Variants in NCOA2 observed in about 807,000 individuals in gnomAD.
The protein encoded by NCOA2 is class E basic helix-loop-helix protein 75.
Under a neutral mutation model 145.1 loss-of-function variants are expected in NCOA2, and 21 were observed. That is an observed-to-expected ratio of 0.14 (90% CI 0.10 to 0.21). The LOEUF (loss-of-function observed/expected upper bound fraction) is 0.21. NCOA2 is among the 10% of genes least tolerant of loss of function. The pLI, the probability that NCOA2 is intolerant of heterozygous loss-of-function variation, is 1.00. For missense variants in NCOA2, 1,472 were observed against 1,837.6 expected, an observed-to-expected ratio of 0.80 and a Z score of 3.64; for synonymous variants, 619 against 637.5, an observed-to-expected ratio of 0.97 and a Z score of 0.44.
chr8:70,203,687 T>C (rs1380250127), intron 4 of NCOA2, among the ~76,000 whole-genome samples: 1 of 152,216 alleles, frequency 6.6e-6, no homozygotes, highest in Non-Finnish European at 1.5e-5. Context: ...ATATCTTTTG[T>C]TTATTTCTAT....
At chr8:70,185,696 C>T (rs1325927794) in intron 4 of NCOA2, among the ~76,000 whole-genome samples, 1 of 152,210 alleles carries the variant, frequency 6.6e-6, no homozygotes, top group Admixed American at 6.5e-5. Context: ...AAATCTCCCA[C>T]AGGCAAAGAT....
Position 70,382,479 on chromosome 8 carries a change from C to CT in NCOA2, c.-77+21220dup, listed in dbSNP as rs1235956648. ...CCCAATGTGATAAAGTCAGGAAAGA[C>CT]TAATATTCCATGTTGGGAAAGTTTG... On this transcript the variant is annotated intron_variant, in intron 1 of 22. Coordinates refer to ENST00000452400, the MANE Select transcript of NCOA2 (RefSeq NM_006540.4). Among the ~76,000 whole-genome samples the CT allele has an allele frequency of 2.6e-5, 4 of 152,262 alleles. No homozygotes were observed. The East Asian group carries it at 7.7e-4, about 29-fold the overall frequency.
chr8:70,264,719 A>T (rs1303200520), intron 2 of NCOA2, among the ~76,000 whole-genome samples: 3 of 152,212 alleles, frequency 2.0e-5, no homozygotes, highest in Non-Finnish European at 4.4e-5. Context: ...AAATTGGAAA[A>T]AATTAGAAAC....
intron 1 of NCOA2, among the ~76,000 whole-genome samples, chr8:70,297,021 A>C (rs1159556572): frequency 6.6e-6 from 1 of 152,240 alleles, no homozygotes; most frequent in South Asian, 2.1e-4. Flanking sequence ...TGTAAAATAT[A>C]TAAGGCTGCA....
chr8:70,365,508 T>C (rs1810613019), intron 1 of NCOA2, among the ~76,000 whole-genome samples: 1 of 152,242 alleles, frequency 6.6e-6, no homozygotes, highest in Non-Finnish European at 1.5e-5. Flanking sequence ...CATCTAATTC[T>C]GAACCAAATT....
Position 70,285,280 on chromosome 8 carries a change from A to C in NCOA2, c.-20+11464T>G, listed in dbSNP as rs549061932. 9.8e-5 allele frequency among the ~76,000 whole-genome samples: 15 copies of C among 152,362 alleles called. No individual in the cohort carries two copies. The South Asian group carries it at 2.7e-3, about 27-fold the overall frequency. On this transcript the variant is annotated intron_variant, in intron 2 of 22. Transcript: ENST00000452400. ...GTCCTGTAGATACCCAAGTGTTATG[A>C]GTTCCTATCATTTAGCAAATAAATT...
chr8:70,170,634 A>C (rs529509728), intron 5 of NCOA2, among the ~76,000 whole-genome samples: 1 of 152,212 alleles, frequency 6.6e-6, no homozygotes, highest in East Asian at 1.9e-4. Flanking sequence ...ACCAACACTA[A>C]CTCCATTAAT....
intron 22 of NCOA2, among the ~76,000 whole-genome samples, chr8:70,114,755 A>G (rs1185711989): frequency 1.3e-5 from 2 of 152,230 alleles, no homozygotes; most frequent in Non-Finnish European, 2.9e-5. Flanking sequence ...ATTCTAGCCC[A>G]TCAGGGCCAT....
At chr8:70,304,797 T>C (rs1827763001) in intron 1 of NCOA2, among the ~76,000 whole-genome samples, 1 of 151,216 alleles carries the variant, frequency 6.6e-6, no homozygotes, top group Non-Finnish European at 1.5e-5. Context: ...GCCTGGCAAC[T>C]ATATGCATAA....
At chr8:70,440,691 AAG>A in the NCOA2 span, among the ~76,000 whole-genome samples, 2 of 151,624 alleles carry the variant, frequency 1.3e-5, no homozygotes, top group Admixed American at 1.3e-4. Flanking sequence ...GAAAGAGAGA[AAG>A]AGGAAAGAAA....
chr8:70,251,097 G>A (rs1050380118), intron 2 of NCOA2, among the ~76,000 whole-genome samples: 1 of 152,078 alleles, frequency 6.6e-6, no homozygotes, highest in Non-Finnish European at 1.5e-5. Context: ...AAAGAAAAGG[G>A]CCATCTTTGA....
In NCOA2 at chr8:70,265,623, A is replaced by C. The variant is rs141106856; in HGVS notation, c.-20+31121T>G. ...AAAAAATACTGACTTCCTCTTCTTCAAAACAATCAGTAATCAGGTTCTGAC... is the reference window on the plus strand; with the variant it reads ...AAAAAATACTGACTTCCTCTTCTTCCAAACAATCAGTAATCAGGTTCTGAC... On this transcript the variant is annotated intron_variant, in intron 2 of 22. Transcript: ENST00000452400. Among the ~76,000 whole-genome samples the C allele has an allele frequency of 9.8e-5, 15 of 152,308 alleles. No individual in the cohort carries two copies. The East Asian group carries it at 2.5e-3, about 26-fold the overall frequency.
chr8:70,247,752 G>A (rs1016647904), intron 2 of NCOA2, among the ~76,000 whole-genome samples: 5 of 152,140 alleles, frequency 3.3e-5, no homozygotes, highest in African/African-American at 9.7e-5. Context: ...TAACTACAAC[G>A]GCGCTTTTAC....
chr8:70,435,452 A>AAAAAAAAAAAAAAAC, the NCOA2 span, among the ~76,000 whole-genome samples: 1 of 148,076 alleles, frequency 6.8e-6, no homozygotes, highest in Non-Finnish European at 1.5e-5. Context: ...AAAAAAAAAA[A>AAAAAAAAAAAAAAAC]AGAATACACA....
intron 2 of NCOA2, among the ~76,000 whole-genome samples, chr8:70,295,936 T>A (rs560071733): frequency 6.6e-6 from 1 of 152,180 alleles, no homozygotes; most frequent in Non-Finnish European, 1.5e-5. Flanking sequence ...AAGAGCGAGA[T>A]TCCATCTCAA....
In NCOA2 at chr8:70,166,767, A is replaced by G. The variant is rs1406863873; in HGVS notation, c.542-13T>C. 1.2e-6 allele frequency: 2 copies of G among 1,603,268 alleles called. No homozygotes were observed. The highest frequency in any genetic ancestry group is 1.1e-5 in the South Asian group (1 of 89,542). The stretch of plus-strand genomic sequence containing the variant: ...GATCCCCCATTTACTGAGCAAGGCA[A>G]AAGTAATCCAGTTTTACAAAGAAAC... On this transcript the variant is annotated splice_polypyrimidine_tract_variant and intron_variant, in intron 6 of 22. Coordinates refer to ENST00000452400, the MANE Select transcript of NCOA2 (RefSeq NM_006540.4).
chr8:70,168,631 T>G (rs1174096629), intron 6 of NCOA2, among the ~76,000 whole-genome samples: 2 of 152,200 alleles, frequency 1.3e-5, no homozygotes, highest in African/African-American at 4.8e-5. Context: ...AGTATCAGCA[T>G]TTTGAAAAGC....
At chr8:70,199,435 G>C (rs1817665534) in intron 4 of NCOA2, among the ~76,000 whole-genome samples, 2 of 137,558 alleles carry the variant, frequency 1.5e-5, no homozygotes, top group Non-Finnish European at 3.1e-5. Flanking sequence ...TGGGTTGTCA[G>C]AGTGAGACTC....
intron 20 of NCOA2, among the ~76,000 whole-genome samples, chr8:70,124,335 C>A (rs929527205): frequency 1.3e-5 from 2 of 151,764 alleles, no homozygotes; most frequent in African/African-American, 2.4e-5. Context: ...TTTCTATAGA[C>A]TACCTGTCTC....
Sources: allele counts gnomAD v4.1 joint callset (sites outside exome capture counted in the v4.1 genomes callset), GRCh38; gene constraint gnomAD v4.1.1; transcripts MANE v1.5; gene names NCBI Gene and HGNC (gene_info 2026-07-23, HGNC 2026-07-21).